The following RFX8 variants were observed in gnomAD, a reference collection of about 807,000 sequenced individuals.
The protein encoded by RFX8 is DNA-binding protein RFX8.
Under a neutral mutation model 54.6 loss-of-function variants are expected in RFX8, and 46 were observed. That is an observed-to-expected ratio of 0.84 (90% CI 0.67 to 1.08). RFX8 has a LOEUF of 1.08. Ranked by LOEUF, RFX8 falls within the 50% of genes least tolerant of loss-of-function variation. The pLI is 0.00. For missense variants in RFX8, 536 were observed against 562.3 expected (o/e 0.95, Z 0.47); for synonymous variants, 192 against 209.5 (o/e 0.92, Z 0.72).
At chr2:101,415,951 T>C (rs962599868) in intron 6 of RFX8, among the ~76,000 whole-genome samples, 8 of 152,208 alleles carry the variant, frequency 5.3e-5, no homozygotes, top group Non-Finnish European at 1.0e-4. Flanking sequence ...AGTCCAAGCA[T>C]AGAAAATGGC....
At chr2:101,472,828 G>A (rs1358038987) in intron 1 of RFX8, among the ~76,000 whole-genome samples, 1 of 152,140 alleles carries the variant, frequency 6.6e-6, no homozygotes, top group African/African-American at 2.4e-5. Flanking sequence ...GACCAGCCTG[G>A]CTAACATGGT....
intron 2 of RFX8, among the ~76,000 whole-genome samples, chr2:101,461,966 A>G (rs1382986950): frequency 1.3e-5 from 2 of 152,192 alleles, no homozygotes; most frequent in African/African-American, 4.8e-5. Context: ...AATACCATGA[A>G]TTATCATCAG....
Position 101,406,021 on chromosome 2 carries a change from C to A in RFX8, c.850G>T (p.Ala284Ser), listed in dbSNP as rs1016931507. 3.2e-6 allele frequency: 5 copies of A among 1,546,912 alleles called. No individual in the cohort carries two copies. ...RSKEEFTKLA[A>S]SFQLRWNLLL... is the part of the protein sequence containing the mutation. ...AGATTCCATCTCAGCTGGAAGCTGG[C>A]GGCCAATTTGGTAAACTCTTCTTTG... Residue 284 changes from alanine to serine, a missense_variant, in exon 10 of 12, where the codon GCC becomes TCC. Coordinates refer to ENST00000428343, the MANE Select transcript of RFX8 (RefSeq NM_001145664.2).
intron 2 of RFX8, among the ~76,000 whole-genome samples, chr2:101,436,151 T>C (rs1687771368): frequency 6.6e-6 from 1 of 152,158 alleles, no homozygotes; most frequent in Non-Finnish European, 1.5e-5. Context: ...TCAGAATTTC[T>C]AAATTTACAG....
At chr2:101,467,554 G>A (rs1047321547) in intron 1 of RFX8, among the ~76,000 whole-genome samples, 5 of 152,178 alleles carry the variant, frequency 3.3e-5, no homozygotes, top group African/African-American at 4.8e-5. Context: ...TTCCCTATTG[G>A]TACAGAGCCA....
At chr2:101,445,538 G>A (rs1344844477) in intron 2 of RFX8, among the ~76,000 whole-genome samples, 2 of 151,650 alleles carry the variant, frequency 1.3e-5, no homozygotes, top group African/African-American at 2.4e-5. Context: ...GACCGCAAGT[G>A]CACCACCATG....
At chr2:101,414,758 G>T in intron 7 of RFX8, 96 bp downstream of exon 7, 1 of 953,314 alleles carries the variant, frequency 1.0e-6, no homozygotes, top group Non-Finnish European at 1.6e-6. Context: ...CCTCCAGATG[G>T]ACAGAGCAAC....
chr2:101,423,525 A>T (rs1232433363), intron 2 of RFX8, among the ~76,000 whole-genome samples: 2 of 152,100 alleles, frequency 1.3e-5, no homozygotes, highest in Non-Finnish European at 2.9e-5. Context: ...CCAAGTTGAA[A>T]ATTGAGCAGC....
In RFX8 at chr2:101,474,297, CACCGAGGCAG is replaced by C. The variant is rs1340898170; in HGVS notation, c.-53+329_-53+338del. On this transcript the variant is annotated intron_variant, in intron 1 of 11. Coordinates refer to ENST00000428343, the MANE Select transcript of RFX8 (RefSeq NM_001145664.2). ...CCATGGCTCGGCCCCGGGCCTGCAGCACCGAGGCAGGCAGCGAGCGGCGGCCGTGGGCGGC... is the reference window on the plus strand; with the variant it reads ...CCATGGCTCGGCCCCGGGCCTGCAGCGCAGCGAGCGGCGGCCGTGGGCGGC... The C allele has an allele frequency of 1.4e-5, 7 of 492,978 alleles. No individual in the cohort carries two copies. The African/African-American group carries it at 1.4e-4, about 10-fold the overall frequency. The allele number at this position is 492,978 out of a possible 1,614,324, so 30.5% of individuals were successfully genotyped here. A position where few individuals can be genotyped will look rare whatever the true frequency, so the allele number is the denominator to read the frequency against.
At chr2:101,473,930 G>A (rs1558901147) in intron 1 of RFX8, among the ~76,000 whole-genome samples, 1 of 152,204 alleles carries the variant, frequency 6.6e-6, no homozygotes, top group Non-Finnish European at 1.5e-5. Context: ...GGGGCAGACC[G>A]GATGGCTTTC....
At chr2:101,438,064 G>T in intron 2 of RFX8, among the ~76,000 whole-genome samples, 1 of 151,742 alleles carries the variant, frequency 6.6e-6, no homozygotes, top group African/African-American at 2.4e-5. Flanking sequence ...TAATTTTTGT[G>T]GGTACATAGT....
chr2:101,426,293 A>T (rs1687164129), intron 2 of RFX8, among the ~76,000 whole-genome samples: 1 of 152,126 alleles, frequency 6.6e-6, no homozygotes, highest in East Asian at 1.9e-4. Flanking sequence ...TCGGGCCAGG[A>T]GTTCATGACC....
chr2:101,447,620 ATCT>A (rs1000996163), intron 2 of RFX8, among the ~76,000 whole-genome samples: 1 of 152,244 alleles, frequency 6.6e-6, no homozygotes, highest in African/African-American at 2.4e-5. Flanking sequence ...AACATTTCAA[ATCT>A]TCTAGATATT....
In RFX8 at chr2:101,451,549, C is replaced by A. The variant is rs760834140; in HGVS notation, c.72+15228G>T. Among the ~76,000 whole-genome samples, 15 of 151,734 alleles carry A rather than the reference C, an allele frequency of 9.9e-5. No individual in the cohort carries two copies. The South Asian group carries it at 2.3e-3, about 23-fold the overall frequency. On this transcript the variant is annotated intron_variant, in intron 2 of 11. Coordinates refer to ENST00000428343, the MANE Select transcript of RFX8 (RefSeq NM_001145664.2). Reference sequence around the variant, plus strand: ...CTAAAAATACAAAAAATAAGCCGGGCGTGGTGGCAGGCGCCTGTAATCCCA... The same window carrying A: ...CTAAAAATACAAAAAATAAGCCGGGAGTGGTGGCAGGCGCCTGTAATCCCA...
chr2:101,397,606 G>T lies in RFX8; in HGVS notation c.1364C>A (p.Ser455Ter). 6.4e-7 allele frequency: 1 copy of T among 1,550,864 alleles called. No homozygotes were observed. Among genetic ancestry groups the T allele is most frequent in the Non-Finnish European group, 8.7e-7 (1 of 1,146,472 alleles). ...KDGQQFVIQI[S>*]DVPQSSEDIY... Reference sequence around the variant, plus strand: ...ATCTTCAGAGCTTTGGGGTACATCTGATATCTGAATCACAAATTGTTGTCC... The same window carrying T: ...ATCTTCAGAGCTTTGGGGTACATCTTATATCTGAATCACAAATTGTTGTCC... The change falls in exon 12 of 12, where the codon TCA becomes TAA. Residue 455 changes from serine to a stop codon, truncating the protein, a stop_gained. Transcript: ENST00000428343. LOFTEE classifies it high-confidence loss of function.
rs954055787 is a variant in RFX8, at chr2:101,467,049, A to G, written c.-52-149T>C. ...GGATGAATCCCTGCGAAGGCTCACA[A>G]CTGGCATCACTATGTACCCGTTTGT... is the stretch of plus-strand genomic sequence containing the variant. On this transcript the variant is annotated intron_variant, in intron 1 of 11. Coordinates refer to ENST00000428343, the MANE Select transcript of RFX8 (RefSeq NM_001145664.2). 1.5e-4 allele frequency: 93 copies of G among 617,962 alleles called. No individual in the cohort carries two copies. The African/African-American group carries it at 1.5e-3, about 10-fold the overall frequency. 38.3% of individuals were successfully genotyped at this position (617,962 alleles called of 1,614,324 possible).
intron 1 of RFX8, among the ~76,000 whole-genome samples, chr2:101,470,493 A>G (rs77226316): frequency 0.032 from 4,934 of 152,202 alleles, 248 homozygotes; most frequent in African/African-American, 0.11. Context: ...ACCTGGAAAT[A>G]AAGCCTGTCT....
At chr2:101,408,104 G>A (rs1176631097) in intron 9 of RFX8, among the ~76,000 whole-genome samples, 1 of 152,212 alleles carries the variant, frequency 6.6e-6, no homozygotes, top group East Asian at 1.9e-4. Flanking sequence ...GCACAACGAT[G>A]GAGACTTGGG....
At chr2:101,470,055 T>G (rs369660465) in intron 1 of RFX8, among the ~76,000 whole-genome samples, 1 of 152,032 alleles carries the variant, frequency 6.6e-6, no homozygotes, top group Non-Finnish European at 1.5e-5. Context: ...AGCAGAAGGT[T>G]TGAAAGTGGA....
Sources: allele counts gnomAD v4.1 joint callset (sites outside exome capture counted in the v4.1 genomes callset), GRCh38; gene constraint gnomAD v4.1.1; transcripts MANE v1.5; gene names NCBI Gene and HGNC (gene_info 2026-07-23, HGNC 2026-07-21).